RPF2: variants seen among roughly 807,000 people sequenced by gnomAD.
RPF2 encodes ribosome production factor 2 homolog.
A neutral mutation model predicts 38.9 loss-of-function variants in RPF2; 21 were observed. The observed-to-expected ratio is 0.54, with a 90% CI of 0.38 to 0.78. The LOEUF (loss-of-function observed/expected upper bound fraction) is 0.78, where lower values mean the gene tolerates loss of function less well. RPF2 is among the 30% of genes least tolerant of loss of function. The pLI is 0.00. For synonymous variants in RPF2, 121 were observed against 126.2 expected, an observed-to-expected ratio of 0.96 and a Z score of 0.28; for missense variants, 314 against 358.1, an observed-to-expected ratio of 0.88 and a Z score of 0.99.
chr6:111,010,405 C>T (rs1263623739), intron 7 of RPF2, among the ~76,000 whole-genome samples: 1 of 152,186 alleles, frequency 6.6e-6, no homozygotes, highest in Non-Finnish European at 1.5e-5. Context: ...AGATTACAGG[C>T]ATGAGCCACC....
Position 111,025,752 on chromosome 6 carries a change from C to A in RPF2, c.*170C>A. The A allele has an allele frequency of 2.1e-6, 1 of 479,780 alleles. No homozygotes were observed. Among genetic ancestry groups the A allele is most frequent in the Non-Finnish European group, 3.5e-6 (1 of 283,258 alleles). 29.7% of individuals were successfully genotyped at this position (479,780 alleles called of 1,614,324 possible). A position where few individuals can be genotyped will look rare whatever the true frequency, so the allele number is the denominator to read the frequency against. ...TACTAGTATTAAGTGTAAAGTAAGC[C>A]TTTTATTTGAGACATTACACCCTGG... On this transcript the variant is annotated 3_prime_UTR_variant, in exon 10 of 10. Transcript: ENST00000441448.
intron 6 of RPF2, among the ~76,000 whole-genome samples, chr6:111,006,290 A>G (rs560029053): frequency 1.4e-3 from 206 of 151,934 alleles, no homozygotes; most frequent in African/African-American, 4.8e-3. Flanking sequence ...GCTAGAGTGC[A>G]GTGGTGCAAT....
intron 8 of RPF2, among the ~76,000 whole-genome samples, chr6:111,021,163 G>A (rs1772225831): frequency 6.6e-6 from 1 of 151,978 alleles, no homozygotes; most frequent in Non-Finnish European, 1.5e-5. Flanking sequence ...GCAAGACTCT[G>A]TCTCAAAAAA....
chr6:110,988,160 G>T (rs910396942), intron 2 of RPF2, among the ~76,000 whole-genome samples: 1 of 151,934 alleles, frequency 6.6e-6, no homozygotes, highest in Non-Finnish European at 1.5e-5. Flanking sequence ...CTTTAATCAC[G>T]CCATTGCACT....
Position 111,025,861 on chromosome 6 carries a change from C to G in RPF2, c.*279C>G, listed in dbSNP as rs1023854892. The G allele has an allele frequency of 4.9e-6, 1 of 205,628 alleles. No homozygotes were observed. The highest frequency in any genetic ancestry group is 2.3e-5 in the African/African-American group (1 of 43,246). The allele number at this position is 205,628 out of a possible 1,614,324, so 12.7% of individuals were successfully genotyped here. The stretch of plus-strand genomic sequence containing the variant: ...TGGATGGATGGGTGAGGAGGGATCT[C>G]CATAACCATTGGGATTTTTTTGAAT... On this transcript the variant is annotated 3_prime_UTR_variant, in exon 10 of 10. Coordinates refer to ENST00000441448, the MANE Select transcript of RPF2 (RefSeq NM_032194.3).
intron 8 of RPF2, among the ~76,000 whole-genome samples, chr6:111,019,917 C>CTTTTTTT (rs763096502): frequency 4.7e-5 from 7 of 148,950 alleles, no homozygotes; most frequent in African/African-American, 7.5e-5. Flanking sequence ...TCTTTTCTTT[C>CTTTTTTT]TTTTGTTTTT....
At chr6:111,012,876 G>A (rs1015342854) in intron 7 of RPF2, among the ~76,000 whole-genome samples, 5 of 152,036 alleles carry the variant, frequency 3.3e-5, no homozygotes, top group Non-Finnish European at 5.9e-5. Flanking sequence ...CGCCATGTTC[G>A]CTAAGCTGGT....
intron 6 of RPF2, among the ~76,000 whole-genome samples, chr6:111,004,306 C>T (rs571485498): frequency 2.8e-4 from 42 of 151,972 alleles, no homozygotes; most frequent in African/African-American, 9.9e-4. Context: ...CCTTAGCCTC[C>T]CAAGTAGCTG....
chr6:111,024,964 T>C (rs986726082), intron 9 of RPF2, among the ~76,000 whole-genome samples: 1 of 152,224 alleles, frequency 6.6e-6, no homozygotes, highest in African/African-American at 2.4e-5. Context: ...ATAAACCATA[T>C]GTGCATAAAA....
chr6:110,991,076 G>A (rs1296818042), intron 3 of RPF2, among the ~76,000 whole-genome samples: 5 of 151,988 alleles, frequency 3.3e-5, no homozygotes, highest in Admixed American at 1.3e-4. Flanking sequence ...GGGTATGCTC[G>A]TCTCTTACAT....
At position 111,027,253 on chromosome 6, in the gene RPF2, C is replaced by G. The variant is rs1342649334; in HGVS notation, c.*1671C>G. 2.6e-5 allele frequency: 4 copies of G among 152,200 alleles called. No individual in the cohort carries two copies. The highest frequency in any genetic ancestry group is 2.0e-4 in the Admixed American group (3 of 15,288). The allele number at this position is 152,200 out of a possible 1,614,324, so 9.4% of individuals were successfully genotyped here. A position where few individuals can be genotyped will look rare whatever the true frequency, so the allele number is the denominator to read the frequency against. On this transcript the variant is annotated 3_prime_UTR_variant, in exon 10 of 10. Coordinates refer to ENST00000441448, the MANE Select transcript of RPF2 (RefSeq NM_032194.3). ...TAGTCCTCTCCGGATAGCTGTTACT[C>G]TCCTCTTGCCAGAAAAATGAAGGAG...
intron 8 of RPF2, among the ~76,000 whole-genome samples, chr6:111,016,592 TGAAAAAA>T (rs1220287535): frequency 8.2e-6 from 1 of 122,182 alleles, no homozygotes; most frequent in East Asian, 5.2e-4. Flanking sequence ...GTGAGGGCGC[TGAAAAAA>T]CAAAAAACAA....
chr6:111,010,412 C>G (rs770160271), intron 7 of RPF2, among the ~76,000 whole-genome samples: 3 of 152,304 alleles, frequency 2.0e-5, no homozygotes, highest in South Asian at 4.1e-4. Context: ...AGGCATGAGC[C>G]ACCACACCTA....
rs374580709 is a variant in RPF2 at position 110,985,159 on chromosome 6, T to C, written c.156+21T>C. The C allele has an allele frequency of 3.8e-6, 6 of 1,587,388 alleles. No individual in the cohort carries two copies. The African/African-American group carries it at 5.4e-5, about 14-fold the overall frequency. ...ATGTGGTAAGTATATATACTTAATCTTTAAAAGGTATTGAAGTCATTTTAG... is the reference window on the plus strand; with the variant it reads ...ATGTGGTAAGTATATATACTTAATCCTTAAAAGGTATTGAAGTCATTTTAG... On this transcript the variant is annotated intron_variant, in intron 2 of 9. Coordinates refer to ENST00000441448, the MANE Select transcript of RPF2 (RefSeq NM_032194.3).
At chr6:111,000,785 C>T (rs1771799635) in intron 6 of RPF2, among the ~76,000 whole-genome samples, 2 of 151,854 alleles carry the variant, frequency 1.3e-5, no homozygotes, top group Admixed American at 6.6e-5. Flanking sequence ...GATTGAAGGC[C>T]CATAGGGGTT....
chr6:111,017,324 C>T (rs1204348015), intron 8 of RPF2, among the ~76,000 whole-genome samples: 1 of 150,716 alleles, frequency 6.6e-6, no homozygotes, highest in Non-Finnish European at 1.5e-5. Context: ...CCACCTCCCT[C>T]CCGGATGGGG....
intron 3 of RPF2, among the ~76,000 whole-genome samples, chr6:110,991,031 C>A (rs1426140101): frequency 6.6e-6 from 1 of 152,090 alleles, no homozygotes; most frequent in Non-Finnish European, 1.5e-5. Context: ...TATCTGTGGG[C>A]GATGGGTTCC....
At chr6:110,983,918 A>C (rs1369989505) in intron 1 of RPF2, among the ~76,000 whole-genome samples, 1 of 151,718 alleles carries the variant, frequency 6.6e-6, no homozygotes, top group East Asian at 1.9e-4. Flanking sequence ...AGTCCCAGCT[A>C]CTCGGGAGGC....
At chr6:111,007,160 G>A (rs1771923652) in intron 6 of RPF2, among the ~76,000 whole-genome samples, 1 of 152,202 alleles carries the variant, frequency 6.6e-6, no homozygotes, top group Non-Finnish European at 1.5e-5. Flanking sequence ...TGGGATTATA[G>A]GCATGAGCCG....
Sources: allele counts gnomAD v4.1 joint callset (sites outside exome capture counted in the v4.1 genomes callset), GRCh38; gene constraint gnomAD v4.1.1; transcripts MANE v1.5; gene names NCBI Gene and HGNC (gene_info 2026-07-23, HGNC 2026-07-21).